Variants in MTUS1 observed in about 807,000 individuals in gnomAD.
MTUS1 encodes the protein microtubule associated scaffold protein 1.
A neutral mutation model predicts 120.8 loss-of-function variants in MTUS1; 109 were observed. The ratio of observed to expected loss-of-function variants is 0.90; its 90% CI spans 0.77 to 1.06. MTUS1 has a LOEUF of 1.06. Ranked by LOEUF, MTUS1 falls within the 50% of genes least tolerant of loss-of-function variation. MTUS1 has a pLI of 0.00. For missense variants in MTUS1, 2,210 were observed against 1,486.3 expected (o/e 1.49, Z -8.01); for synonymous variants, 737 against 550.5 (o/e 1.34, Z -4.74).
chr8:17,748,438 T>C (rs1018942176), intron 2 of MTUS1, among the ~76,000 whole-genome samples: 10 of 152,124 alleles, frequency 6.6e-5, no homozygotes, highest in Admixed American at 2.0e-4. Context: ...CCACCAACTT[T>C]GGGTACCCAA....
chr8:17,755,871 G>T lies in MTUS1; in HGVS notation c.-64C>A. ...TCTTCAATTCCTTTTAAATGAGAGG[G>T]TGGGCAAAATGGTCTGTCTTCTAGG... On this transcript the variant is annotated 5_prime_UTR_variant, in exon 2 of 15. Coordinates refer to ENST00000693296, the MANE Select transcript of MTUS1 (RefSeq NM_001363059.2). 6.5e-7 allele frequency: 1 copy of T among 1,540,320 alleles called. No homozygotes were observed. The highest frequency in any genetic ancestry group is 8.7e-7 in the Non-Finnish European group (1 of 1,149,442).
chr8:17,753,021 C>T (rs17125246), intron 2 of MTUS1, among the ~76,000 whole-genome samples: 13,836 of 152,112 alleles, frequency 0.091, 1,424 homozygotes, highest in African/African-American at 0.26. Flanking sequence ...CTCTCTAGGT[C>T]CCCCCCAAAT....
chr8:17,782,728 T>G (rs1177053983), intron 1 of MTUS1, among the ~76,000 whole-genome samples: 1 of 152,218 alleles, frequency 6.6e-6, no homozygotes, highest in Non-Finnish European at 1.5e-5. Context: ...ACCACAAGTC[T>G]ACAGTGTAAA....
intron 7 of MTUS1, among the ~76,000 whole-genome samples, chr8:17,680,536 T>C (rs1022803383): frequency 6.7e-6 from 1 of 149,834 alleles, no homozygotes; most frequent in African/African-American, 2.5e-5. Context: ...CACAATTCCT[T>C]GGCTGTCAGG....
At chr8:17,697,225 C>A (rs1410242460) in intron 6 of MTUS1, 2 of 1,568,476 alleles carry the variant, frequency 1.3e-6, no homozygotes, top group Admixed American at 1.8e-5. Flanking sequence ...ATCCCCCGTG[C>A]AACACTAAAC....
rs146105798 is a variant in MTUS1, at chr8:17,722,982, C to G, written c.2449+690G>C. 1.3e-3 allele frequency among the ~76,000 whole-genome samples: 196 copies of G among 152,248 alleles called. 1 individual carries two copies. The highest frequency in any genetic ancestry group is 4.5e-3 in the African/African-American group (187 of 41,554). ...TCATCCATGAAAATACCTTCTTTTT[C>G]TCCTCAACTATTTTTTAGAATAAGG... On this transcript the variant is annotated intron_variant, in intron 4 of 14. Coordinates refer to ENST00000693296, the MANE Select transcript of MTUS1 (RefSeq NM_001363059.2).
At chr8:17,651,301 TTAATAA>T (rs1001403068) in intron 12 of MTUS1, among the ~76,000 whole-genome samples, 4 of 152,152 alleles carry the variant, frequency 2.6e-5, no homozygotes, top group South Asian at 2.1e-4. Flanking sequence ...GTGACTATAG[TTAATAA>T]TAATATATTG....
At chr8:17,756,041 T>C in intron 1 of MTUS1, 80 bp from the exon 2 acceptor site, 1 of 776,610 alleles carries the variant, frequency 1.3e-6, no homozygotes, top group Non-Finnish European at 1.9e-6. Context: ...CACTAAGTGA[T>C]TAGTTTCAAT....
At chr8:17,690,334 A>T (rs1179533814) in intron 6 of MTUS1, among the ~76,000 whole-genome samples, 1 of 152,228 alleles carries the variant, frequency 6.6e-6, no homozygotes, top group Non-Finnish European at 1.5e-5. Context: ...CCACGATGAG[A>T]TACCATTTCC....
intron 8 of MTUS1, among the ~76,000 whole-genome samples, chr8:17,656,546 C>CG (rs1554460163): frequency 2.4e-5 from 1 of 42,328 alleles, no homozygotes; most frequent in South Asian, 6.0e-4. Context: ...ACAAACAAAA[C>CG]CCCCCCCCAC....
intron 7 of MTUS1, among the ~76,000 whole-genome samples, chr8:17,681,075 A>G (rs1814382201): frequency 6.6e-6 from 1 of 152,124 alleles, no homozygotes; most frequent in South Asian, 2.1e-4. Context: ...CTGGGACTAC[A>G]GGCACATGCC....
chr8:17,795,982 C>T (rs1563408361), intron 1 of MTUS1, among the ~76,000 whole-genome samples: 1 of 151,656 alleles, frequency 6.6e-6, no homozygotes, highest in Non-Finnish European at 1.5e-5. Context: ...CAAAGTCTCA[C>T]TCTGTTGGCC....
rs1191697032 is a variant in MTUS1 at position 17,645,306 on chromosome 8, C to T, written c.*620G>A. On this transcript the variant is annotated 3_prime_UTR_variant, in exon 15 of 15. Transcript: ENST00000693296. The stretch of plus-strand genomic sequence containing the variant: ...GTTATACCCTCTCCCTACCCTGTTA[C>T]AGGGCTGAGCAGAGTTGGTGGTAGA... 6.5e-6 allele frequency: 1 copy of T among 152,696 alleles called. No homozygotes were observed. The allele number at this position is 152,696 out of a possible 1,614,324, so 9.5% of individuals were successfully genotyped here.
At chr8:17,653,141 T>A in intron 12 of MTUS1, 45 bp downstream of exon 12, 2 of 1,174,288 alleles carry the variant, frequency 1.7e-6, no homozygotes, top group Non-Finnish European at 2.4e-6. Context: ...AAAAGGCAAC[T>A]GAGAAGAAAA....
Position 17,755,750 on chromosome 8 carries a change from T to C in MTUS1, c.58A>G (p.Ser20Gly), listed in dbSNP as rs1554525440. 5.6e-6 allele frequency: 9 copies of C among 1,613,942 alleles called. No individual in the cohort carries two copies. The highest frequency in any genetic ancestry group is 2.5e-6 in the Non-Finnish European group (3 of 1,179,986). ...IEDELQTFFT[S>G]DKDGNTHAYN... is the part of the protein sequence containing the mutation. The stretch of plus-strand genomic sequence containing the variant: ...GCATGTGTATTTCCATCTTTATCAC[T>C]GGTAAAGAAGGTTTGCAATTCATCT... The change falls in exon 2 of 15, where the codon AGT becomes GGT. Residue 20 changes from serine (S) to glycine (G), a missense_variant. By Grantham distance (56) the Ser-to-Gly change is moderately conservative. Transcript: ENST00000693296.
chr8:17,666,089 GCTT>G (rs774596373), intron 8 of MTUS1, among the ~76,000 whole-genome samples: 2 of 91,946 alleles, frequency 2.2e-5, no homozygotes, highest in African/African-American at 8.6e-5. Context: ...CAGAACAGAT[GCTT>G]TTTTTTTTTT....
At chr8:17,695,601 C>G (rs1176764271) in intron 6 of MTUS1, among the ~76,000 whole-genome samples, 3 of 152,222 alleles carry the variant, frequency 2.0e-5, no homozygotes, top group African/African-American at 7.2e-5. Context: ...GGAAAGCTAT[C>G]TGCTTCACAA....
At chr8:17,663,044 A>G (rs955641800) in intron 8 of MTUS1, among the ~76,000 whole-genome samples, 1 of 152,068 alleles carries the variant, frequency 6.6e-6, no homozygotes, top group African/African-American at 2.4e-5. Flanking sequence ...AGTTTAAATC[A>G]TGGATATCTC....
intron 1 of MTUS1, among the ~76,000 whole-genome samples, chr8:17,797,870 C>A (rs2052373278): frequency 6.6e-6 from 1 of 152,158 alleles, no homozygotes; most frequent in African/African-American, 2.4e-5. Context: ...AGGGTATATT[C>A]AAGCTTTCAC....
Sources: gnomAD v4.1 joint callset for allele counts (sites outside exome capture counted in the v4.1 genomes callset) on GRCh38, gnomAD v4.1.1 for gene constraint, MANE v1.5 for transcripts, NCBI Gene and HGNC (gene_info 2026-07-23, HGNC 2026-07-21) for gene names.